WDR49: variants seen among roughly 807,000 people sequenced by gnomAD.
WDR49 encodes cilia- and flagella-associated protein 337.
In WDR49, 107 loss-of-function variants were observed where a neutral mutation model predicts 119.5. The ratio of observed to expected loss-of-function variants is 0.90; its 90% CI spans 0.77 to 1.05. WDR49 has a LOEUF of 1.05. Ranked by LOEUF, WDR49 falls within the 50% of genes least tolerant of loss-of-function variation. WDR49 has a pLI of 0.00. For missense variants in WDR49, 1,240 were observed against 1,220.5 expected (o/e 1.02, Z -0.24); for synonymous variants, 425 against 418.8 (o/e 1.01, Z -0.18).
Position 167,579,392 on chromosome 3 carries a change from A to T in WDR49, c.1276-3241T>A, listed in dbSNP as rs74783695. ...TCACTTCCACATATTTATTTACCCA[A>T]TTGCAGTTCTCACATAATCCTCAAT... On this transcript the variant is annotated intron_variant, in intron 7 of 18. Transcript: ENST00000682715. Among the ~76,000 whole-genome samples, 1,325 of 152,300 alleles carry T rather than the reference A, an allele frequency of 8.7e-3. 19 individuals are homozygous for T. Among genetic ancestry groups the T allele is most frequent in the African/African-American group, 0.03 (1,259 of 41,572 alleles).
At chr3:167,502,997 A>T (rs1751633859) in intron 17 of WDR49, among the ~76,000 whole-genome samples, 1 of 152,248 alleles carries the variant, frequency 6.6e-6, no homozygotes, top group Non-Finnish European at 1.5e-5. Context: ...GACAACAGAA[A>T]AAAGGCCTTG....
intron 15 of WDR49, among the ~76,000 whole-genome samples, chr3:167,527,336 C>T (rs531352033): frequency 3.9e-5 from 6 of 151,984 alleles, no homozygotes; most frequent in South Asian, 2.1e-4. Context: ...CAGTACCCCA[C>T]GTACACAAGA....
chr3:167,539,455 T>G (rs1316319980), intron 10 of WDR49, among the ~76,000 whole-genome samples: 1 of 152,136 alleles, frequency 6.6e-6, no homozygotes, highest in East Asian at 1.9e-4. Flanking sequence ...CTTATTCAGG[T>G]AGAATTCCTT....
chr3:167,624,724 A>G (rs763648685), intron 3 of WDR49, among the ~76,000 whole-genome samples: 2 of 152,132 alleles, frequency 1.3e-5, no homozygotes, highest in Non-Finnish European at 2.9e-5. Flanking sequence ...TTCAGTGCTG[A>G]AAAGAAGAAA....
intron 7 of WDR49, among the ~76,000 whole-genome samples, chr3:167,581,687 G>A (rs965692418): frequency 5.3e-5 from 8 of 152,086 alleles, no homozygotes; most frequent in African/African-American, 1.9e-4. Context: ...CTTTTCTTCT[G>A]TGCTACAAAT....
intron 11 of WDR49, among the ~76,000 whole-genome samples, chr3:167,536,402 G>A (rs1753027866): frequency 6.6e-6 from 1 of 151,900 alleles, no homozygotes; most frequent in Non-Finnish European, 1.5e-5. Flanking sequence ...TATATGGCCG[G>A]GCACAGTGGC....
At chr3:167,588,490 T>C (rs901859786) in intron 7 of WDR49, among the ~76,000 whole-genome samples, 1 of 152,152 alleles carries the variant, frequency 6.6e-6, no homozygotes, top group African/African-American at 2.4e-5. Context: ...TGCTGGATCA[T>C]ACGGCAGCTC....
chr3:167,596,396 T>C (rs1715444804), intron 7 of WDR49, among the ~76,000 whole-genome samples: 1 of 151,336 alleles, frequency 6.6e-6, no homozygotes, highest in Non-Finnish European at 1.5e-5. Flanking sequence ...CTATAAATCA[T>C]GCTGCTATAA....
intron 2 of WDR49, among the ~76,000 whole-genome samples, chr3:167,640,089 C>T (rs187215063): frequency 4.6e-5 from 7 of 151,578 alleles, no homozygotes; most frequent in African/African-American, 1.2e-4. Flanking sequence ...GGAAAAGGAA[C>T]GAAAGAAAGA....
chr3:167,503,729 A>T (rs1359800318), intron 17 of WDR49, among the ~76,000 whole-genome samples: 1 of 152,154 alleles, frequency 6.6e-6, no homozygotes, highest in Non-Finnish European at 1.5e-5. Context: ...GCAGTGGTGG[A>T]GGGCGACTGA....
chr3:167,525,286 T>C (rs1261937115), intron 15 of WDR49, among the ~76,000 whole-genome samples: 1 of 152,122 alleles, frequency 6.6e-6, no homozygotes, highest in East Asian at 1.9e-4. Flanking sequence ...AAGTTCTTTA[T>C]CAACTTAAGG....
At chr3:167,566,652 A>C (rs1713616968) in intron 8 of WDR49, among the ~76,000 whole-genome samples, 3 of 152,126 alleles carry the variant, frequency 2.0e-5, no homozygotes, top group Non-Finnish European at 4.4e-5. Flanking sequence ...TGTCGATCCC[A>C]AAAAAACTTA....
At chr3:167,513,383 C>A (rs939651083) in intron 16 of WDR49, among the ~76,000 whole-genome samples, 4 of 152,082 alleles carry the variant, frequency 2.6e-5, no homozygotes, top group African/African-American at 9.7e-5. Context: ...AAAGGAGAAA[C>A]AAGATTGTTT....
chr3:167,609,520 C>T (rs1056712857), intron 5 of WDR49, among the ~76,000 whole-genome samples: 2 of 152,170 alleles, frequency 1.3e-5, no homozygotes, highest in African/African-American at 4.8e-5. Flanking sequence ...AATCGCCCAG[C>T]CCAGAGGTCT....
intron 2 of WDR49, among the ~76,000 whole-genome samples, chr3:167,648,733 T>C (rs1219259964): frequency 6.6e-6 from 1 of 152,142 alleles, no homozygotes; most frequent in African/African-American, 2.4e-5. Flanking sequence ...ACAGAAAACA[T>C]TCCCTAGTGC....
rs369408795 is a variant in WDR49 at position 167,621,299 on chromosome 3, C to T, written c.783+168G>A. On this transcript the variant is annotated intron_variant, in intron 4 of 18. Coordinates refer to ENST00000682715, the MANE Select transcript of WDR49 (RefSeq NM_001366157.1). Reference sequence around the variant, plus strand: ...CACACAATTAAGATTTGTTTTTGTACGCAAGAAGACAAATTGTGACCTAAT... The same window carrying T: ...CACACAATTAAGATTTGTTTTTGTATGCAAGAAGACAAATTGTGACCTAAT... Among the ~76,000 whole-genome samples the T allele has an allele frequency of 2.2e-4, 33 of 152,122 alleles. 1 individual carries two copies. Among genetic ancestry groups the T allele is most frequent in the Middle Eastern group, 3.4e-3 (1 of 294 alleles).
At chr3:167,647,815 A>C (rs1474768321) in intron 2 of WDR49, among the ~76,000 whole-genome samples, 2 of 152,184 alleles carry the variant, frequency 1.3e-5, no homozygotes, top group Admixed American at 1.3e-4. Context: ...AGAAAGAAAA[A>C]AATATTTTTC....
chr3:167,533,011 AGGAGATTAAGATAGAAAATATG>A (rs1276805704), intron 11 of WDR49, 34 bp from the exon 12 acceptor site: 1 of 1,476,218 alleles, frequency 6.8e-7, no homozygotes. Context: ...ATAAATTGCC[AGGAGATTAAGATAGAAAATATG>A]AGCAACAGCA....
At chr3:167,582,038 G>A (rs931356298) in intron 7 of WDR49, among the ~76,000 whole-genome samples, 1 of 88,108 alleles carries the variant, frequency 1.1e-5, no homozygotes, top group Non-Finnish European at 2.7e-5. Flanking sequence ...TTCCGTGTGT[G>A]TGTGTGTGTG....
Sources: gnomAD v4.1 joint callset for allele counts (sites outside exome capture counted in the v4.1 genomes callset) on GRCh38, gnomAD v4.1.1 for gene constraint, MANE v1.5 for transcripts, NCBI Gene and HGNC (gene_info 2026-07-23, HGNC 2026-07-21) for gene names.